The following PLAU variants were observed in gnomAD, a reference collection of about 807,000 sequenced individuals.
PLAU encodes the protein plasminogen activator, urokinase, also known as urokinase-type plasminogen activator.
In PLAU, 32 loss-of-function variants were observed where a neutral mutation model predicts 48.9. The observed-to-expected ratio is 0.65, with a 90% CI of 0.49 to 0.88. The LOEUF (loss-of-function observed/expected upper bound fraction) is 0.88. PLAU is among the 40% of genes least tolerant of loss of function. The probability of loss-of-function intolerance (pLI) is 0.00; values close to 1 mark genes in which losing one functional copy is unlikely to be tolerated. For synonymous variants in PLAU, 199 were observed against 205.7 expected (o/e 0.97, Z 0.28); for missense variants, 455 against 545.2 (o/e 0.83, Z 1.65).
intron 10 of PLAU, among the ~76,000 whole-genome samples, chr10:73,915,721 C>T (rs2096135372): frequency 6.6e-6 from 1 of 152,000 alleles, no homozygotes. Context: ...TGAGTGCCAA[C>T]CTGAGGGTCA....
rs763373135 is a variant in PLAU at position 73,915,348 on chromosome 10, C to A, written c.1068C>A (p.Thr356=). ...QQPHYYGSEV[T]TKMLCAADPQ... is the part of the protein sequence containing the mutation. ...CCCACTACTACGGCTCTGAAGTCAC[C>A]ACCAAAATGCTGTGTGCTGCTGACC... Residue 356 remains threonine (T), a synonymous_variant, in exon 10 of 11, where the codon ACC becomes ACA. Coordinates refer to ENST00000372764, the MANE Select transcript of PLAU (RefSeq NM_002658.6). 5 of 1,613,672 alleles carry A rather than the reference C, an allele frequency of 3.1e-6. No individual in the cohort carries two copies. Among genetic ancestry groups the A allele is most frequent in the Non-Finnish European group, 4.2e-6 (5 of 1,179,922 alleles).
chr10:73,909,899 T>G (rs1387643314), upstream of PLAU: 2 of 152,158 alleles, frequency 1.3e-5, no homozygotes, highest in Non-Finnish European at 2.9e-5. Flanking sequence ...CGTGTGTGTG[T>G]GTGTGTGTAT....
rs776150636 is a variant in PLAU at position 73,913,726 on chromosome 10, T to G, written c.648T>G (p.Pro216=). The G allele has an allele frequency of 6.2e-7, 1 of 1,609,754 alleles. No homozygotes were observed. Among genetic ancestry groups the G allele is most frequent in the Non-Finnish European group, 8.5e-7 (1 of 1,177,856 alleles). Residue 216 remains proline, a synonymous_variant, in exon 7 of 11, where the codon CCT becomes CCG. Coordinates refer to ENST00000372764, the MANE Select transcript of PLAU (RefSeq NM_002658.6). ...TGTGTGGAGGCAGCCTCATCAGCCC[T>G]TGCTGGGTGATCAGCGCCACACACT... ...TYVCGGSLIS[P]CWVISATHCF...
chr10:73,915,847 G>C (rs1194848140), intron 10 of PLAU, among the ~76,000 whole-genome samples: 2 of 152,172 alleles, frequency 1.3e-5, no homozygotes, highest in African/African-American at 2.4e-5. Flanking sequence ...GGCATATTCC[G>C]GGTGGGGAGG....
chr10:73,910,204 T>G (rs2096121365), upstream of PLAU: 1 of 152,232 alleles, frequency 6.6e-6, no homozygotes, highest in South Asian at 2.1e-4. Context: ...ATTCCTCTAC[T>G]CAGAGGTGAG....
Position 73,911,562 on chromosome 10 carries a change from G to C in PLAU, c.7G>C (p.Ala3Pro), listed in dbSNP as rs2096124087. The part of the protein sequence containing the change: MR[A>P]LLARLLLCVL... Reference sequence around the variant, plus strand: ...GCGCCCCGACCTCGCCACCATGAGAGCCCTGCTGGCGCGCCTGCTTCTCTG... The same window carrying C: ...GCGCCCCGACCTCGCCACCATGAGACCCCTGCTGGCGCGCCTGCTTCTCTG... Residue 3 changes from alanine to proline, a missense_variant, in exon 2 of 11, where the codon GCC (alanine) becomes CCC (proline). Physicochemically the swap from Ala to Pro is conservative, Grantham distance 27. Coordinates refer to ENST00000372764, the MANE Select transcript of PLAU (RefSeq NM_002658.6). 2 of 1,612,802 alleles carry C rather than the reference G, an allele frequency of 1.2e-6. No individual in the cohort carries two copies. The highest frequency in any genetic ancestry group is 2.7e-5 in the African/African-American group (2 of 74,936).
Position 73,916,531 on chromosome 10 carries a change from G to A in PLAU, c.1262G>A (p.Ser421Asn). ...RVSHFLPWIR[S>N]HTKEENGLAL is the part of the protein sequence containing the mutation. ...TCACACTTCTTACCCTGGATCCGCA[G>A]TCACACCAAGGAAGAGAATGGCCTG... The change falls in exon 11 of 11, where the codon AGT becomes AAT. Residue 421 changes from serine to asparagine, a missense_variant. By Grantham distance (46) the Ser-to-Asn change is conservative. Coordinates refer to ENST00000372764, the MANE Select transcript of PLAU (RefSeq NM_002658.6). 6.2e-7 allele frequency: 1 copy of A among 1,613,810 alleles called. No homozygotes were observed. The highest frequency in any genetic ancestry group is 1.1e-5 in the South Asian group (1 of 91,034).
chr10:73,914,420 G>C (rs2096131973), intron 8 of PLAU, among the ~76,000 whole-genome samples: 1 of 152,212 alleles, frequency 6.6e-6, no homozygotes, highest in South Asian at 2.1e-4. Context: ...ATATGAATTA[G>C]AAAAAGACAC....
intron 10 of PLAU, 111 bp downstream of exon 10, chr10:73,915,510 G>A: frequency 9.6e-7 from 1 of 1,040,884 alleles, no homozygotes; most frequent in Non-Finnish European, 1.4e-6. Context: ...TAAGTAGCCA[G>A]AATCAGGAGC....
Position 73,911,925 on chromosome 10 carries a change from G to A in PLAU, c.58-116G>A, listed in dbSNP as rs1292181836. On this transcript the variant is annotated intron_variant, in intron 2 of 10. Coordinates refer to ENST00000372764, the MANE Select transcript of PLAU (RefSeq NM_002658.6). ...CCATTTGAGAACTAGATACGAACAGGGTGAGGCGAGAGGGAGAGGGAAGAG... is the reference window on the plus strand; with the variant it reads ...CCATTTGAGAACTAGATACGAACAGAGTGAGGCGAGAGGGAGAGGGAAGAG... 5.0e-6 allele frequency: 8 copies of A among 1,603,012 alleles called. No individual in the cohort carries two copies. The East Asian group carries it at 1.6e-4, about 32-fold the overall frequency.
At position 73,913,039 on chromosome 10, in the gene PLAU, G is replaced by A. The variant is rs764563021; in HGVS notation, c.309G>A (p.Thr103=). The A allele has an allele frequency of 2.0e-5, 32 of 1,613,998 alleles. No homozygotes were observed. Among genetic ancestry groups the A allele is most frequent in the African/African-American group, 5.3e-5 (4 of 74,894 alleles). The change falls in exon 5 of 11, where the codon ACG becomes ACA. Residue 103 remains threonine, a synonymous_variant. Coordinates refer to ENST00000372764, the MANE Select transcript of PLAU (RefSeq NM_002658.6). ...ACTCTGCCACTGTCCTTCAGCAAAC[G>A]TACCATGCCCACAGATCTGATGCTC... The part of the protein sequence containing the change: ...PWNSATVLQQ[T]YHAHRSDALQ...
At position 73,911,576 on chromosome 10, in the gene PLAU, C is replaced by T. The variant is rs2096124163; in HGVS notation, c.21C>T (p.Arg7=). ...CCACCATGAGAGCCCTGCTGGCGCG[C>T]CTGCTTCTCTGCGTCCTGGTCGTGA... MRALLA[R]LLLCVLVVSD... The change falls in exon 2 of 11, where the codon CGC becomes CGT. Residue 7 remains arginine (R), a synonymous_variant. Coordinates refer to ENST00000372764, the MANE Select transcript of PLAU (RefSeq NM_002658.6). 1 of 1,613,432 alleles carries T rather than the reference C, an allele frequency of 6.2e-7. No homozygotes were observed. The highest frequency in any genetic ancestry group is 1.1e-5 in the South Asian group (1 of 91,056).
In PLAU at chr10:73,913,539, GA is replaced by G; in HGVS notation, c.467del (p.Lys156SerfsTer9). 1 of 1,610,254 alleles carries G rather than the reference GA, an allele frequency of 6.2e-7. No individual in the cohort carries two copies. On this transcript the variant is annotated frameshift_variant and splice_region_variant, in exon 7 of 11. Transcript: ENST00000372764. LOFTEE classifies it high-confidence loss of function. The part of the protein sequence containing the change: ...QECMVHDCAD[G>X]KKPSSPPEEL... The stretch of plus-strand genomic sequence containing the variant: ...AGACATCCCTCTGTTTGTCCTCCAG[GA>G]AAAAAGCCCTCCTCTCCTCCAGAAG...
In PLAU at chr10:73,913,277, T is replaced by G; in HGVS notation, c.369-13T>G. The G allele has an allele frequency of 1.2e-6, 2 of 1,613,864 alleles. No individual in the cohort carries two copies. The highest frequency in any genetic ancestry group is 1.7e-6 in the Non-Finnish European group (2 of 1,179,752). On this transcript the variant is annotated splice_polypyrimidine_tract_variant and intron_variant, in intron 5 of 10. Coordinates refer to ENST00000372764, the MANE Select transcript of PLAU (RefSeq NM_002658.6). ...GGGTTGGAATGACATCCCCTATCTT[T>G]CTGTGTTGCCAGGAACCCAGACAAC...
chr10:73,913,529 T>G lies in PLAU; in HGVS notation c.461-10T>G, dbSNP rs1450139430. On this transcript the variant is annotated splice_polypyrimidine_tract_variant and intron_variant, in intron 6 of 10. Transcript: ENST00000372764. ...TGCCTCCCTAAGACATCCCTCTGTT[T>G]GTCCTCCAGGAAAAAAGCCCTCCTC... 8 of 1,608,156 alleles carry G rather than the reference T, an allele frequency of 5.0e-6. No individual in the cohort carries two copies. Among genetic ancestry groups the G allele is most frequent in the Non-Finnish European group, 6.8e-6 (8 of 1,175,526 alleles).
intron 4 of PLAU, 134 bp downstream of exon 4, chr10:73,912,456 C>A: frequency 1.5e-6 from 1 of 664,582 alleles, no homozygotes; most frequent in Non-Finnish European, 2.6e-6. Context: ...CAAGCATAAA[C>A]ACACACACAC....
chr10:73,909,205 G>A (rs1192138653), upstream of PLAU: 1 of 152,210 alleles, frequency 6.6e-6, no homozygotes, highest in Non-Finnish European at 1.5e-5. Flanking sequence ...CTCCAGCCAA[G>A]TAATCTGGAG....
chr10:73,916,285 T>A, intron 10 of PLAU, 104 bp from the exon 11 acceptor site: 1 of 1,046,678 alleles, frequency 9.6e-7, no homozygotes, highest in East Asian at 2.6e-5. Context: ...GCTAAGGACT[T>A]TGACTGGGAA....
At position 73,914,861 on chromosome 10, in the gene PLAU, C is replaced by T. The variant is rs765799266; in HGVS notation, c.915C>T (p.Asn305=). The T allele has an allele frequency of 4.4e-5, 71 of 1,614,150 alleles. No homozygotes were observed. Among genetic ancestry groups the T allele is most frequent in the South Asian group, 3.1e-4 (28 of 91,086 alleles). ...CCATCTGCCTGCCCTCGATGTATAA[C>T]GATCCCCAGTTTGGCACAAGCTGTG... ...IQTICLPSMY[N]DPQFGTSCEI... The change falls in exon 9 of 11, where the codon AAC becomes AAT. Residue 305 remains asparagine (N), a synonymous_variant. Coordinates refer to ENST00000372764, the MANE Select transcript of PLAU (RefSeq NM_002658.6).
Sources: gnomAD v4.1 joint callset for allele counts (sites outside exome capture counted in the v4.1 genomes callset) on GRCh38, gnomAD v4.1.1 for gene constraint, MANE v1.5 for transcripts, NCBI Gene and HGNC (gene_info 2026-07-23, HGNC 2026-07-21) for gene names.